The following MYO5A variants were observed in gnomAD, a reference collection of about 807,000 sequenced individuals.
MYO5A encodes myosin VA, also known as unconventional myosin-Va.
MYO5A carries 98 observed loss-of-function variants against 249.7 expected under a neutral mutation model. The observed-to-expected ratio is 0.39, with a 90% CI of 0.33 to 0.46. MYO5A has a LOEUF of 0.46. Among genes scored for constraint, MYO5A ranks in the 20% least tolerant of loss-of-function variants. The pLI is 0.98. For synonymous variants in MYO5A, 778 were observed against 810.6 expected (o/e 0.96, Z 0.68); for missense variants, 1,696 against 2,308.8 (o/e 0.73, Z 5.44).
intron 1 of MYO5A, among the ~76,000 whole-genome samples, chr15:52,452,879 A>C (rs1253177238): frequency 1.3e-5 from 2 of 152,026 alleles, no homozygotes; most frequent in Admixed American, 1.3e-4. Context: ...TAGGAGAAAC[A>C]AAAAAGAATA....
chr15:52,405,309 T>C lies in MYO5A; in HGVS notation c.1031A>G (p.Asp344Gly). 6.2e-7 allele frequency: 1 copy of C among 1,613,108 alleles called. No individual in the cohort carries two copies. Among genetic ancestry groups the C allele is most frequent in the Non-Finnish European group, 8.5e-7 (1 of 1,179,086 alleles). ...TACAGGTATTGTGCAGCTGTCTGCA[T>C]CTCGGGATGTAAATCCAACATTGCC... ...HLGNVGFTSR[D>G]ADSCTIPPKH... is the part of the protein sequence containing the mutation. The change falls in exon 9 of 42, where the codon GAT (aspartate) becomes GGT (glycine). Residue 344 changes from aspartate to glycine, a missense_variant. Coordinates refer to ENST00000399233, the MANE Select transcript of MYO5A (RefSeq NM_001382347.1).
intron 37 of MYO5A, 35 bp downstream of exon 37, chr15:52,323,320 A>C: frequency 2.0e-6 from 3 of 1,532,284 alleles, no homozygotes; most frequent in Non-Finnish European, 2.7e-6. Context: ...CAGAGAAAGT[A>C]TAGCATGCTG....
intron 1 of MYO5A, among the ~76,000 whole-genome samples, chr15:52,458,481 G>A (rs56147218): frequency 0.15 from 22,840 of 151,912 alleles, 1,829 homozygotes; most frequent in Middle Eastern, 0.22. Flanking sequence ...TTAGCTGGGC[G>A]TGGTGGCATG....
At chr15:52,320,398 CTTCT>C (rs1304347803) in intron 38 of MYO5A, among the ~76,000 whole-genome samples, 2 of 152,150 alleles carry the variant, frequency 1.3e-5, no homozygotes, top group East Asian at 3.9e-4. Flanking sequence ...TAGATTGGGG[CTTCT>C]TTGAGGCGAA....
At chr15:52,375,226 C>A (rs2041345078) in intron 20 of MYO5A, 78 bp downstream of exon 20, 6 of 1,435,834 alleles carry the variant, frequency 4.2e-6, no homozygotes, top group East Asian at 2.3e-5. Flanking sequence ...CATTGTAGCC[C>A]CTGTGGTACT....
chr15:52,511,265 T>G (rs891983524), intron 1 of MYO5A, among the ~76,000 whole-genome samples: 3 of 152,250 alleles, frequency 2.0e-5, no homozygotes, highest in Admixed American at 6.5e-5. Context: ...AAACTCATTA[T>G]GAGAAACATT....
At chr15:52,472,247 T>G (rs2054379391) in intron 1 of MYO5A, among the ~76,000 whole-genome samples, 1 of 151,906 alleles carries the variant, frequency 6.6e-6, no homozygotes, top group Non-Finnish European at 1.5e-5. Flanking sequence ...CCCGGCTAAT[T>G]TTTTTGTACT....
intron 1 of MYO5A, among the ~76,000 whole-genome samples, chr15:52,458,297 C>G (rs933042004): frequency 1.1e-4 from 16 of 152,088 alleles, no homozygotes; most frequent in African/African-American, 3.9e-4. Context: ...TAAATGTGGC[C>G]GGGCACAGTG....
chr15:52,331,624 A>G, intron 34 of MYO5A: 1 of 970,280 alleles, frequency 1.0e-6, no homozygotes, highest in Non-Finnish European at 1.2e-6. Flanking sequence ...TTCTTGTGTC[A>G]CTCTGGGTAA....
chr15:52,493,909 T>C (rs1180089345), intron 1 of MYO5A, among the ~76,000 whole-genome samples: 1 of 152,172 alleles, frequency 6.6e-6, no homozygotes, highest in Non-Finnish European at 1.5e-5. Flanking sequence ...ATAAATTATC[T>C]GAAACAAAAA....
intron 1 of MYO5A, among the ~76,000 whole-genome samples, chr15:52,443,610 C>A (rs2075828411): frequency 6.7e-6 from 1 of 150,354 alleles, no homozygotes; most frequent in Non-Finnish European, 1.5e-5. Flanking sequence ...ACTCGGGAGG[C>A]TGAGGCAGAA....
At chr15:52,395,923 G>C (rs2042467829) in intron 11 of MYO5A, among the ~76,000 whole-genome samples, 1 of 152,216 alleles carries the variant, frequency 6.6e-6, no homozygotes, top group Non-Finnish European at 1.5e-5. Context: ...GTAAAATTCT[G>C]CTTTTTAGTT....
At chr15:52,455,605 C>T (rs147879470) in intron 1 of MYO5A, among the ~76,000 whole-genome samples, 1 of 151,994 alleles carries the variant, frequency 6.6e-6, no homozygotes, top group Non-Finnish European at 1.5e-5. Flanking sequence ...TTAAAAAGAT[C>T]ATTCACCATA....
rs1256004224 is a variant in MYO5A at position 52,336,567 on chromosome 15, A to T, written c.4315-11T>A. 1 of 1,577,674 alleles carries T rather than the reference A, an allele frequency of 6.3e-7. No individual in the cohort carries two copies. Among genetic ancestry groups the T allele is most frequent in the Admixed American group, 1.7e-5 (1 of 57,314 alleles). ...TTGTTCCATCAAATCCTAAAGATCA[A>T]AAAGAGAAATATATTAGAAAAATCG... On this transcript the variant is annotated splice_polypyrimidine_tract_variant and intron_variant, in intron 33 of 41. Coordinates refer to ENST00000399233, the MANE Select transcript of MYO5A (RefSeq NM_001382347.1).
chr15:52,443,031 G>A (rs1176822401), intron 1 of MYO5A, among the ~76,000 whole-genome samples: 4 of 152,162 alleles, frequency 2.6e-5, no homozygotes, highest in Admixed American at 1.3e-4. Context: ...GATTACAGGC[G>A]TGAGCCACCG....
In MYO5A at chr15:52,353,669, G is replaced by C; in HGVS notation, c.3568-11C>G. 1 of 1,611,740 alleles carries C rather than the reference G, an allele frequency of 6.2e-7. No individual in the cohort carries two copies. The highest frequency in any genetic ancestry group is 8.5e-7 in the Non-Finnish European group (1 of 1,177,858). ...TGGTCTTTCTTCTTCCTAGGGAAAA[G>C]TTAAAGTTTTATATTTTAATTGTCA... On this transcript the variant is annotated splice_polypyrimidine_tract_variant and intron_variant, in intron 26 of 41. Transcript: ENST00000399233.
intron 1 of MYO5A, among the ~76,000 whole-genome samples, chr15:52,493,082 T>C (rs1347328888): frequency 2.0e-5 from 3 of 152,202 alleles, no homozygotes; most frequent in Non-Finnish European, 4.4e-5. Flanking sequence ...GAAAAAGGCT[T>C]TTGATTGGGA....
At chr15:52,421,278 G>A (rs112081071) in intron 4 of MYO5A, among the ~76,000 whole-genome samples, 48 of 152,172 alleles carry the variant, frequency 3.2e-4, no homozygotes, top group African/African-American at 1.0e-3. Flanking sequence ...ACCAAATGAC[G>A]GAAGGGGCCA....
At chr15:52,476,035 G>T (rs1162071228) in intron 1 of MYO5A, among the ~76,000 whole-genome samples, 2 of 152,150 alleles carry the variant, frequency 1.3e-5, no homozygotes, top group Non-Finnish European at 2.9e-5. Flanking sequence ...AAGTCTCTTT[G>T]TAGGTCTCTA....
Sources: allele counts gnomAD v4.1 joint callset (sites outside exome capture counted in the v4.1 genomes callset), GRCh38; gene constraint gnomAD v4.1.1; transcripts MANE v1.5; gene names NCBI Gene and HGNC (gene_info 2026-07-23, HGNC 2026-07-21).